The following TSPAN15 variants were observed in gnomAD, a reference collection of about 807,000 sequenced individuals.
TSPAN15 encodes the protein tetraspanin 15.
Under a neutral mutation model 34.5 loss-of-function variants are expected in TSPAN15, and 20 were observed. That is an observed-to-expected ratio of 0.58 (90% CI 0.41 to 0.84). TSPAN15 has a LOEUF of 0.84. TSPAN15 is among the 40% of genes least tolerant of loss of function. The pLI is 0.00. For synonymous variants in TSPAN15, 155 were observed against 153.9 expected, an observed-to-expected ratio of 1.01 and a Z score of -0.05; for missense variants, 313 against 386.1, an observed-to-expected ratio of 0.81 and a Z score of 1.59.
At chr10:69,539,537 AGGAGAAGG>A in the TSPAN15 span, among the ~76,000 whole-genome samples, 1 of 47,998 alleles carries the variant, frequency 2.1e-5, no homozygotes, top group East Asian at 5.9e-4. Context: ...AAGAAGAAGA[AGGAGAAGG>A]AGAAGGAGAA....
chr10:69,513,381 T>C, the TSPAN15 span, among the ~76,000 whole-genome samples: 1 of 152,310 alleles, frequency 6.6e-6, no homozygotes, highest in East Asian at 1.9e-4. Flanking sequence ...CTCTCTCTCT[T>C]TCCTTCATGT....
chr10:69,462,262 A>G (rs928312344), intron 1 of TSPAN15, among the ~76,000 whole-genome samples: 13 of 147,428 alleles, frequency 8.8e-5, no homozygotes, highest in African/African-American at 3.2e-4. Context: ...CCGCTTCCCA[A>G]AGTGCTGGGA....
intron 5 of TSPAN15, among the ~76,000 whole-genome samples, chr10:69,499,487 C>T (rs1049887647): frequency 1.3e-5 from 2 of 152,144 alleles, no homozygotes; most frequent in Non-Finnish European, 1.5e-5. Flanking sequence ...TCACCCAGGG[C>T]AGCAGCATCT....
chr10:69,544,771 T>C, the TSPAN15 span, among the ~76,000 whole-genome samples: 2,137 of 152,150 alleles, frequency 0.014, 42 homozygotes, highest in African/African-American at 0.049. Flanking sequence ...TAATGGCAGT[T>C]CCAGGGCCAC....
At chr10:69,462,166 T>TTTG (rs1564598936) in intron 1 of TSPAN15, among the ~76,000 whole-genome samples, 3 of 90,332 alleles carry the variant, frequency 3.3e-5, no homozygotes, top group Admixed American at 1.1e-4. Context: ...TTTTTTTTTT[T>TTTG]TTTTTTTTTT....
At chr10:69,462,187 A>T in intron 1 of TSPAN15, among the ~76,000 whole-genome samples, 1 of 92,832 alleles carries the variant, frequency 1.1e-5, no homozygotes, top group Non-Finnish European at 2.5e-5. Context: ...TTTTTGTAGA[A>T]ATAGTGTCTC....
At chr10:69,485,608 G>T (rs1264909058) in intron 3 of TSPAN15, among the ~76,000 whole-genome samples, 1 of 152,176 alleles carries the variant, frequency 6.6e-6, no homozygotes, top group Non-Finnish European at 1.5e-5. Context: ...AGAGGTCCTT[G>T]TAGGCCATGA....
At chr10:69,520,139 A>G in the TSPAN15 span, among the ~76,000 whole-genome samples, 2 of 152,212 alleles carry the variant, frequency 1.3e-5, no homozygotes, top group Non-Finnish European at 2.9e-5. Flanking sequence ...CATCCTAAAC[A>G]GAAACTCTTC....
rs1363632296 is a variant in TSPAN15, at chr10:69,485,898, C to A, written c.357+683C>A. On this transcript the variant is annotated intron_variant, in intron 3 of 7. Coordinates refer to ENST00000373290, the MANE Select transcript of TSPAN15 (RefSeq NM_012339.5). The stretch of plus-strand genomic sequence containing the variant: ...GTACCATCAGAGGCTGTTATGCCGG[C>A]TAGAGGAGTGAGGAGAGGGGCAGGT... 2.6e-5 allele frequency among the ~76,000 whole-genome samples: 4 copies of A among 152,244 alleles called. No individual in the cohort carries two copies. The East Asian group carries it at 7.7e-4, about 29-fold the overall frequency.
Position 69,482,758 on chromosome 10 carries a change from C to T in TSPAN15, c.97-933C>T, listed in dbSNP as rs891006170. Among the ~76,000 whole-genome samples the T allele has an allele frequency of 3.3e-5, 5 of 152,138 alleles. 1 individual carries two copies. Among genetic ancestry groups the T allele is most frequent in the Admixed American group, 2.0e-4 (3 of 15,274 alleles). On this transcript the variant is annotated intron_variant, in intron 1 of 7. Coordinates refer to ENST00000373290, the MANE Select transcript of TSPAN15 (RefSeq NM_012339.5). ...GTTAGCAAGTAGCAGAGCTGGGGCTCGAACCCATGTTCTCTGACCCTCCAG... is the reference window on the plus strand; with the variant it reads ...GTTAGCAAGTAGCAGAGCTGGGGCTTGAACCCATGTTCTCTGACCCTCCAG...
intron 2 of TSPAN15, 88 bp from the exon 3 acceptor site, chr10:69,485,053 C>T (rs1245538559): frequency 7.8e-7 from 1 of 1,274,952 alleles, no homozygotes; most frequent in African/African-American, 1.5e-5. Context: ...TCTCTTTGTG[C>T]TTGCTCTTGG....
At chr10:69,514,105 T>C in the TSPAN15 span, among the ~76,000 whole-genome samples, 1 of 152,256 alleles carries the variant, frequency 6.6e-6, no homozygotes, top group Admixed American at 6.5e-5. Flanking sequence ...ACATTTTTGT[T>C]GGGACTAGAT....
Position 69,452,977 on chromosome 10 carries a change from C to A in TSPAN15, c.96+1287C>A, listed in dbSNP as rs375678996. Among the ~76,000 whole-genome samples the A allele has an allele frequency of 8.5e-5, 13 of 152,346 alleles. No individual in the cohort carries two copies. The East Asian group carries it at 2.1e-3, about 25-fold the overall frequency. On this transcript the variant is annotated intron_variant, in intron 1 of 7. Transcript: ENST00000373290. ...GGGGCCTTGCCTGGTAATCGGAGAT[C>A]CAGATTCAGCTCTGTTACTGACTTA...
At chr10:69,471,546 T>C (rs1342746191) in intron 1 of TSPAN15, among the ~76,000 whole-genome samples, 1 of 150,648 alleles carries the variant, frequency 6.6e-6, no homozygotes, top group African/African-American at 2.5e-5. Context: ...TCTTTCTTTC[T>C]TTCTTTCTCT....
intron 1 of TSPAN15, 31 bp from the exon 2 acceptor site, chr10:69,483,660 C>T (rs1841786180): frequency 3.1e-6 from 5 of 1,597,676 alleles, no homozygotes; most frequent in East Asian, 2.2e-5. Flanking sequence ...TGACCTCAGT[C>T]TCTCTCTCAC....
chr10:69,500,744 C>T (rs1410961919), intron 5 of TSPAN15, among the ~76,000 whole-genome samples: 5 of 152,184 alleles, frequency 3.3e-5, no homozygotes, highest in Non-Finnish European at 1.5e-5. Flanking sequence ...TAAACATTAG[C>T]CTCATGCAGA....
the TSPAN15 span, among the ~76,000 whole-genome samples, chr10:69,513,739 T>C: frequency 4.6e-5 from 7 of 152,272 alleles, no homozygotes; most frequent in East Asian, 1.3e-3. Flanking sequence ...AGGATTCATT[T>C]TGAGTTAATT....
the TSPAN15 span, among the ~76,000 whole-genome samples, chr10:69,536,011 A>G: frequency 1.3e-5 from 2 of 152,200 alleles, no homozygotes; most frequent in Admixed American, 1.3e-4. Flanking sequence ...ACCTGAACTT[A>G]CTTAGTAGGA....
In TSPAN15 at chr10:69,492,755, T is replaced by G. The variant is rs566104477; in HGVS notation, c.358-2839T>G. The stretch of plus-strand genomic sequence containing the variant: ...GCAGCCTCTACTCTGCCACTTCCCC[T>G]CCTTCCTGCCCTGGGCTTCCCACCT... On this transcript the variant is annotated intron_variant, in intron 3 of 7. Transcript: ENST00000373290. Among the ~76,000 whole-genome samples the G allele has an allele frequency of 5.6e-4, 85 of 152,322 alleles. No homozygotes were observed. The East Asian group carries it at 0.01, about 18-fold the overall frequency.
Sources: allele counts gnomAD v4.1 joint callset (sites outside exome capture counted in the v4.1 genomes callset), GRCh38; gene constraint gnomAD v4.1.1; transcripts MANE v1.5; gene names NCBI Gene and HGNC (gene_info 2026-07-23, HGNC 2026-07-21).